The following TNRC6C variants were observed in gnomAD, a reference collection of about 807,000 sequenced individuals.
TNRC6C encodes trinucleotide repeat containing adaptor 6C.
A neutral mutation model predicts 153.7 loss-of-function variants in TNRC6C; 20 were observed. The observed-to-expected ratio is 0.13, with a 90% CI of 0.09 to 0.19. The LOEUF (loss-of-function observed/expected upper bound fraction) is 0.19. TNRC6C is among the 10% of genes least tolerant of loss of function. The probability of loss-of-function intolerance (pLI) is 1.00; values close to 1 mark genes in which losing one functional copy is unlikely to be tolerated. For missense variants in TNRC6C, 1,987 were observed against 2,172.0 expected (o/e 0.91, Z 1.69); for synonymous variants, 811 against 841.4 (o/e 0.96, Z 0.63).
At chr17:77,958,393 G>A (rs984652425), upstream of TNRC6C, among the ~76,000 whole-genome samples, 1 of 151,948 alleles carries the variant, frequency 6.6e-6, no homozygotes, top group South Asian at 2.1e-4. Flanking sequence ...CGCGCGTCCC[G>A]GCCACTCGGA....
rs988814239 is a variant in TNRC6C at position 78,049,111 on chromosome 17, A to T, written c.49A>T (p.Thr17Ser). Residue 17 changes from threonine to serine, a missense_variant, in exon 3 of 20, where the codon ACA becomes TCA. Physicochemically the swap from Thr to Ser is moderately conservative, Grantham distance 58 (BLOSUM62 1). This residue lies in a region of TNRC6C where 1,052 missense variants were observed against 1,017.0 expected (regional missense o/e 1.03). Coordinates refer to ENST00000301624, the Ensembl canonical transcript of TNRC6C. This position sits in a 1 kb window ranked among gnomAD's most constrained non-coding sequence, Gnocchi z 4.1. The stretch of plus-strand genomic sequence containing the variant: ...CAACTTCACTGGACATACCAAGAAG[A>T]CAAATGGCAATAATGGCACCAATGG... 1 of 1,583,170 alleles carries T rather than the reference A, an allele frequency of 6.3e-7. No individual in the cohort carries two copies. The highest frequency in any genetic ancestry group is 8.6e-7 in the Non-Finnish European group (1 of 1,163,920).
chr17:78,065,758 A>C (rs867059361), intron 4 of TNRC6C, among the ~76,000 whole-genome samples: 1 of 152,164 alleles, frequency 6.6e-6, no homozygotes, highest in East Asian at 1.9e-4. Flanking sequence ...AACTTGAAAA[A>C]ATTTTAAAAA....
intron 2 of TNRC6C, among the ~76,000 whole-genome samples, chr17:78,042,791 G>GTGGTGT (rs1255322663): frequency 2.7e-4 from 41 of 152,010 alleles, no homozygotes; most frequent in African/African-American, 8.9e-4. Context: ...GGTGGTGGTG[G>GTGGTGT]TGGTGTTGGT....
rs565880190 is a variant in TNRC6C at position 77,965,022 on chromosome 17, A to G, written c.-38+5754A>G. ...ACGAGGTTAGAAAGCATCCTTAGGT[A>G]ACCAGATCTCCATTTAAAACTAATC... On this transcript the variant is annotated intron_variant, in intron 1 of 22. Coordinates refer to the TNRC6C transcript ENST00000636222. 4.6e-5 allele frequency among the ~76,000 whole-genome samples: 7 copies of G among 152,314 alleles called. No individual in the cohort carries two copies. The East Asian group carries it at 9.6e-4, about 21-fold the overall frequency.
chr17:78,085,089 A>G (rs1402455747), intron 11 of TNRC6C, among the ~76,000 whole-genome samples: 1 of 152,182 alleles, frequency 6.6e-6, no homozygotes, highest in Non-Finnish European at 1.5e-5. Flanking sequence ...ACAGGCACTC[A>G]TAGAAAAAGC....
chr17:78,097,583 G>A (rs2073510111), intron 16 of TNRC6C, among the ~76,000 whole-genome samples, 162 bp from the exon 19 acceptor site: 1 of 152,162 alleles, frequency 6.6e-6, no homozygotes, highest in African/African-American at 2.4e-5. Context: ...TAGGAGGCAT[G>A]CCCCGTTTCT....
At chr17:78,026,780 TAGAG>T (rs913312998) in intron 1 of TNRC6C, among the ~76,000 whole-genome samples, 1 of 152,156 alleles carries the variant, frequency 6.6e-6, no homozygotes, top group African/African-American at 2.4e-5. Flanking sequence ...GATGATGGAT[TAGAG>T]AGAGTCTCTT....
intron 1 of TNRC6C, among the ~76,000 whole-genome samples, chr17:77,970,184 G>A (rs1016587014): frequency 1.3e-5 from 2 of 152,180 alleles, no homozygotes; most frequent in Non-Finnish European, 2.9e-5. Flanking sequence ...TGGGCTAAGC[G>A]TATTTCATTA....
chr17:78,012,587 T>C (rs567036555), intron 1 of TNRC6C, among the ~76,000 whole-genome samples: 32 of 152,214 alleles, frequency 2.1e-4, no homozygotes, highest in Non-Finnish European at 3.4e-4. Flanking sequence ...TGCAAATGAA[T>C]GCAATAAAAT....
intron 11 of TNRC6C, among the ~76,000 whole-genome samples, chr17:78,083,981 C>T (rs969665267): frequency 2.0e-5 from 3 of 152,108 alleles, no homozygotes; most frequent in African/African-American, 4.8e-5. Flanking sequence ...AACTTCATCA[C>T]CTAGAAAATG....
chr17:78,103,339 C>T (rs1331704915), intron 18 of TNRC6C, 75 bp from the exon 22 acceptor site: 15 of 1,551,230 alleles, frequency 9.7e-6, no homozygotes, highest in Admixed American at 1.8e-5. Flanking sequence ...CAATTTCATA[C>T]GTTTTTTCTT....
intron 3 of TNRC6C, among the ~76,000 whole-genome samples, chr17:78,054,034 G>A (rs1203447123): frequency 6.6e-6 from 1 of 152,180 alleles, no homozygotes; most frequent in Non-Finnish European, 1.5e-5. Context: ...TGCTCACCTA[G>A]GCTATACGGT....
intron 1 of TNRC6C, among the ~76,000 whole-genome samples, chr17:78,018,128 TG>T (rs1329071106): frequency 2.6e-5 from 4 of 152,098 alleles, no homozygotes; most frequent in South Asian, 2.1e-4. Context: ...GTTTTTGTTT[TG>T]TTTTTTTGGT....
intron 16 of TNRC6C, among the ~76,000 whole-genome samples, chr17:78,093,975 A>G (rs989629604): frequency 5.4e-5 from 8 of 148,380 alleles, no homozygotes; most frequent in Admixed American, 2.0e-4. Context: ...ATTTTTTATT[A>G]TTATTACTTT....
exon 3 of TNRC6C, chr17:78,048,856 A>G: frequency 8.1e-7 from 1 of 1,238,258 alleles, no homozygotes; most frequent in Non-Finnish European, 1.0e-6. Flanking sequence ...TCTCAGTCAT[A>G]GTGGATTGGC....
intron 2 of TNRC6C, among the ~76,000 whole-genome samples, chr17:78,037,344 C>T (rs575887420): frequency 6.6e-6 from 1 of 152,334 alleles, no homozygotes; most frequent in Admixed American, 6.5e-5. Context: ...TACCAAACAT[C>T]ACATACCCTG....
intron 1 of TNRC6C, among the ~76,000 whole-genome samples, chr17:78,030,630 C>T (rs1004326373): frequency 6.6e-6 from 1 of 152,108 alleles, no homozygotes; most frequent in Non-Finnish European, 1.5e-5. Flanking sequence ...ATTCAGATAA[C>T]CCAGAATGCA....
intron 1 of TNRC6C, among the ~76,000 whole-genome samples, chr17:78,012,273 C>A (rs2071647233): frequency 6.6e-6 from 1 of 152,078 alleles, no homozygotes; most frequent in Admixed American, 6.6e-5. Flanking sequence ...TTAATAAATA[C>A]CTGTTAGATG....
intron 1 of TNRC6C, among the ~76,000 whole-genome samples, chr17:78,022,244 G>A (rs1598699368): frequency 1.3e-5 from 2 of 152,178 alleles, no homozygotes; most frequent in Non-Finnish European, 2.9e-5. Context: ...AGACTGGTTA[G>A]GAATACTTTG....
Sources: allele counts gnomAD v4.1 joint callset (sites outside exome capture counted in the v4.1 genomes callset), GRCh38; gene constraint gnomAD v4.1.1; regional missense constraint gnomAD v4.1.1; non-coding constraint Gnocchi (gnomAD v3.1); transcripts MANE v1.5; gene names NCBI Gene and HGNC (gene_info 2026-07-23, HGNC 2026-07-21).